The following DHX29 variants were observed in gnomAD, a reference collection of about 807,000 sequenced individuals.
DHX29 encodes ATP-dependent RNA helicase DHX29.
A neutral mutation model predicts 167.9 loss-of-function variants in DHX29; 79 were observed. The ratio of observed to expected loss-of-function variants is 0.47; its 90% CI spans 0.39 to 0.57. The LOEUF is 0.57. Ranked by LOEUF, DHX29 falls within the 20% of genes least tolerant of loss-of-function variation. DHX29 has a pLI of 0.00. For missense variants in DHX29, 1,347 were observed against 1,593.4 expected, an observed-to-expected ratio of 0.85 and a Z score of 2.63; for synonymous variants, 530 against 546.0, an observed-to-expected ratio of 0.97 and a Z score of 0.41.
chr5:55,285,561 A>T, intron 9 of DHX29, 135 bp downstream of exon 9: 2 of 1,235,786 alleles, frequency 1.6e-6, no homozygotes, highest in Non-Finnish European at 2.2e-6. Context: ...ATAATCTATC[A>T]GACAATAAAC....
intron 23 of DHX29, among the ~76,000 whole-genome samples, chr5:55,263,225 C>A (rs1214928880): frequency 6.6e-6 from 1 of 152,120 alleles, no homozygotes; most frequent in Non-Finnish European, 1.5e-5. Flanking sequence ...ACATCTACTT[C>A]CATAGTAGCT....
At chr5:55,301,627 C>T (rs1338944633) in intron 1 of DHX29, among the ~76,000 whole-genome samples, 2 of 148,634 alleles carry the variant, frequency 1.3e-5, no homozygotes, top group Non-Finnish European at 1.5e-5. Flanking sequence ...GCAGGAGAAT[C>T]GCTTGAACTC....
At chr5:55,294,533 T>C (rs1579811511) in intron 5 of DHX29, among the ~76,000 whole-genome samples, 1 of 151,966 alleles carries the variant, frequency 6.6e-6, no homozygotes, top group Admixed American at 6.6e-5. Context: ...AAATTAGCCA[T>C]GCGTGGTGGA....
chr5:55,269,536 T>TC lies in DHX29; in HGVS notation c.3170dup (p.Ala1058SerfsTer3), dbSNP rs1390246451. The TC allele has an allele frequency of 6.2e-7, 1 of 1,613,948 alleles. No individual in the cohort carries two copies. The highest frequency in any genetic ancestry group is 8.5e-7 in the Non-Finnish European group (1 of 1,180,018). ...GTTTAGGCTCATTTAATTCACAAGC[T>TC]CCAATTTTTCGGAGCAAATTCATTG... On this transcript the variant is annotated frameshift_variant, in exon 21 of 27. Coordinates refer to ENST00000251636, the MANE Select transcript of DHX29 (RefSeq NM_019030.4). LOFTEE classifies it high-confidence loss of function.
intron 15 of DHX29, 53 bp from the exon 16 acceptor site, chr5:55,274,784 TATAAA>T (rs1399324125): frequency 1.9e-6 from 3 of 1,561,664 alleles, no homozygotes; most frequent in East Asian, 2.2e-5. Context: ...AGGAACAGCA[TATAAA>T]ATATTAATAA....
chr5:55,306,128 C>A (rs1377256697), intron 1 of DHX29, among the ~76,000 whole-genome samples: 1 of 152,216 alleles, frequency 6.6e-6, no homozygotes, highest in Non-Finnish European at 1.5e-5. Context: ...TTTGTAATTA[C>A]AAGTATGCTA....
At chr5:55,263,266 GAGGATGGTCA>G (rs1561134986) in intron 23 of DHX29, among the ~76,000 whole-genome samples, 1 of 152,066 alleles carries the variant, frequency 6.6e-6, no homozygotes, top group Non-Finnish European at 1.5e-5. Context: ...TTTACTCAAT[GAGGATGGTCA>G]GCATTGAGAA....
In DHX29 at chr5:55,294,117, A is replaced by G. The variant is rs1748185565; in HGVS notation, c.680T>C (p.Val227Ala). ...KPKKEEKNME[V>A]NMKEWILRYA... ...TCGTAAAATCCACTCTTTCATATTT[A>G]CTTCCATATTTTTTTCTTCCTTTTT... is the stretch of plus-strand genomic sequence containing the variant. The change falls in exon 6 of 27, where the codon GTA (valine) becomes GCA (alanine). Residue 227 changes from valine to alanine, a missense_variant. By Grantham distance (64) the Val-to-Ala change is moderately conservative (BLOSUM62 0). Coordinates refer to ENST00000251636, the MANE Select transcript of DHX29 (RefSeq NM_019030.4). The G allele has an allele frequency of 6.3e-7, 1 of 1,596,942 alleles. No individual in the cohort carries two copies. The highest frequency in any genetic ancestry group is 1.3e-5 in the African/African-American group (1 of 74,238).
Position 55,290,125 on chromosome 5 carries a change from T to A in DHX29, c.907+93A>T, listed in dbSNP as rs978086891. On this transcript the variant is annotated intron_variant, in intron 7 of 26. Coordinates refer to ENST00000251636, the MANE Select transcript of DHX29 (RefSeq NM_019030.4). The stretch of plus-strand genomic sequence containing the variant: ...CCATGTATAAACTGTTAGAAAAGGG[T>A]AGACATATTAAAAGGAAGCATCATC... 16 of 1,413,950 alleles carry A rather than the reference T, an allele frequency of 1.1e-5. No individual in the cohort carries two copies. In the African/African-American group the frequency reaches 2.0e-4, roughly 18 times the overall value. 87.6% of individuals were successfully genotyped at this position (1,413,950 alleles called of 1,614,324 possible). A position where few individuals can be genotyped will look rare whatever the true frequency, so the allele number is the denominator to read the frequency against.
At chr5:55,273,149 A>G (rs1387764288) in intron 17 of DHX29, 144 bp downstream of exon 17, 2 of 726,580 alleles carry the variant, frequency 2.8e-6, no homozygotes, top group Admixed American at 3.9e-5. Flanking sequence ...ACTTCTGATG[A>G]TGGCAAGGTG....
chr5:55,269,647 A>T lies in DHX29; in HGVS notation c.3070-10T>A. 1.9e-6 allele frequency: 3 copies of T among 1,602,944 alleles called. No individual in the cohort carries two copies. Among genetic ancestry groups the T allele is most frequent in the Non-Finnish European group, 2.6e-6 (3 of 1,170,530 alleles). The stretch of plus-strand genomic sequence containing the variant: ...AACCAAGATTACATTTCTGCAGATT[A>T]AAAAAGCAATAAAATTGGTATGAAA... On this transcript the variant is annotated splice_polypyrimidine_tract_variant and intron_variant, in intron 20 of 26. Coordinates refer to ENST00000251636, the MANE Select transcript of DHX29 (RefSeq NM_019030.4).
intron 8 of DHX29, among the ~76,000 whole-genome samples, chr5:55,286,448 T>C (rs1747735331): frequency 6.6e-6 from 1 of 152,128 alleles, no homozygotes; most frequent in African/African-American, 2.4e-5. Context: ...ATACTACAAA[T>C]TGCAACATTT....
At position 55,281,472 on chromosome 5, in the gene DHX29, C is replaced by T. The variant is rs757908337; in HGVS notation, c.2009G>A (p.Cys670Tyr). The T allele has an allele frequency of 3.7e-5, 59 of 1,596,564 alleles. No individual in the cohort carries two copies. Among genetic ancestry groups the T allele is most frequent in the Non-Finnish European group, 5.0e-5 (58 of 1,171,552 alleles). ...GYQIRMESRA[C>Y]ESTRLLYCTT... Reference sequence around the variant, plus strand: ...ACAATAGAGTAACCTGGTAGATTCACAAGCTCGAGATTCCATCCGGATCTG... The same window carrying T: ...ACAATAGAGTAACCTGGTAGATTCATAAGCTCGAGATTCCATCCGGATCTG... Residue 670 changes from cysteine to tyrosine, a missense_variant, in exon 12 of 27, where the codon TGT becomes TAT. Physicochemically the swap from Cys to Tyr is radical, Grantham distance 194. Transcript: ENST00000251636.
At chr5:55,303,015 A>G (rs938516970) in intron 1 of DHX29, among the ~76,000 whole-genome samples, 3 of 152,178 alleles carry the variant, frequency 2.0e-5, no homozygotes, top group Non-Finnish European at 4.4e-5. Flanking sequence ...AAGGTCATGG[A>G]ACGATGCAAC....
At position 55,262,671 on chromosome 5, in the gene DHX29, G is replaced by A. The variant is rs1194113608; in HGVS notation, c.3787C>T (p.Arg1263Ter). ...KAQVHPSSVN[R>*]DLQTHGWLLY... ...AGCCATCCATGAGTTTGCAAATCTC[G>A]ATTTACTGAGGATGGGTGTACTTGT... The change falls in exon 24 of 27, where the codon CGA (arginine) becomes TGA (stop). Residue 1263 changes from arginine to a stop codon, truncating the protein, a stop_gained. Coordinates refer to ENST00000251636, the MANE Select transcript of DHX29 (RefSeq NM_019030.4). LOFTEE classifies it high-confidence loss of function. 1.2e-6 allele frequency: 2 copies of A among 1,614,050 alleles called. No individual in the cohort carries two copies. The highest frequency in any genetic ancestry group is 1.7e-6 in the Non-Finnish European group (2 of 1,179,962).
At chr5:55,297,193 A>G in intron 3 of DHX29, 92 bp downstream of exon 3, 1 of 644,558 alleles carries the variant, frequency 1.6e-6, no homozygotes, top group Non-Finnish European at 2.8e-6. Context: ...TAAAATCTCA[A>G]TGGAAGTTGT....
In DHX29 at chr5:55,270,484, A is replaced by C. The variant is rs371480219; in HGVS notation, c.2997T>G (p.Phe999Leu). 37 of 1,613,338 alleles carry C rather than the reference A, an allele frequency of 2.3e-5. No individual in the cohort carries two copies. Among genetic ancestry groups the C allele is most frequent in the Non-Finnish European group, 3.1e-5 (36 of 1,179,830 alleles). ...FCFRMYTRERFEGFMDYSVPE... is the reference protein window; with the variant it reads ...FCFRMYTRERLEGFMDYSVPE... ...GAACAGAATAATCCATAAAGCCTTC[A>C]AATCTGAAAAATAAAGTAATACTAA... Residue 999 changes from phenylalanine to leucine, a missense_variant, in exon 20 of 27, where the codon TTT becomes TTG. Phe to Leu is a conservative substitution (Grantham distance 22). Coordinates refer to ENST00000251636, the MANE Select transcript of DHX29 (RefSeq NM_019030.4).
In DHX29 at chr5:55,269,547, G is replaced by A. The variant is rs751261949; in HGVS notation, c.3160C>T (p.Arg1054Ter). ...QVISNAMNLL[R>*]KIGACELNEP... ...TTTAATTCACAAGCTCCAATTTTTC[G>A]GAGCAAATTCATTGCATTGCTGATC... The change falls in exon 21 of 27, where the codon CGA becomes TGA. Residue 1054 changes from arginine to a stop codon, truncating the protein, a stop_gained. Transcript: ENST00000251636. LOFTEE classifies it high-confidence loss of function. The A allele has an allele frequency of 1.1e-5, 17 of 1,614,020 alleles. No homozygotes were observed. The highest frequency in any genetic ancestry group is 1.4e-5 in the Non-Finnish European group (16 of 1,180,004).
intron 8 of DHX29, among the ~76,000 whole-genome samples, chr5:55,286,147 G>A (rs1354669519): frequency 6.6e-6 from 1 of 151,810 alleles, no homozygotes; most frequent in Admixed American, 6.6e-5. Flanking sequence ...CCAGCTACTC[G>A]GGAGGCTGAG....
Sources: allele counts gnomAD v4.1 joint callset (sites outside exome capture counted in the v4.1 genomes callset), GRCh38; gene constraint gnomAD v4.1.1; transcripts MANE v1.5; gene names NCBI Gene and HGNC (gene_info 2026-07-23, HGNC 2026-07-21).